Variants in NFKB1 observed in about 807,000 individuals in gnomAD.
The protein encoded by NFKB1 is nuclear factor kappa B subunit 1.
NFKB1 carries 9 observed loss-of-function variants against 105.1 expected under a neutral mutation model. That is an observed-to-expected ratio of 0.09 (90% CI 0.05 to 0.15). NFKB1 has a LOEUF of 0.15. Ranked by LOEUF, NFKB1 falls within the 10% of genes least tolerant of loss-of-function variation. NFKB1 has a pLI of 1.00. For missense variants in NFKB1, 830 were observed against 1,203.7 expected (o/e 0.69, Z 4.59); for synonymous variants, 440 against 442.2 (o/e 1.00, Z 0.06).
chr4:102,566,909 T>TA, intron 5 of NFKB1, 78 bp from the exon 6 acceptor site: 2 of 1,471,638 alleles, frequency 1.4e-6, no homozygotes, highest in Non-Finnish European at 9.4e-7. Flanking sequence ...TTTTTATACT[T>TA]ACTGGCTTAT....
chr4:102,583,071 T>C, intron 10 of NFKB1, 114 bp downstream of exon 10: 1 of 654,492 alleles, frequency 1.5e-6, no homozygotes, highest in Non-Finnish European at 2.5e-6. Flanking sequence ...CCCCCAACTG[T>C]TGGGCTTGAG....
chr4:102,554,551 A>G (rs937667353), intron 5 of NFKB1, among the ~76,000 whole-genome samples: 24 of 152,180 alleles, frequency 1.6e-4, no homozygotes, highest in Admixed American at 2.6e-4. Flanking sequence ...TTAAATTACA[A>G]CTTTAGGGAG....
chr4:102,554,531 G>A (rs1260423115), intron 5 of NFKB1, among the ~76,000 whole-genome samples: 3 of 152,046 alleles, frequency 2.0e-5, no homozygotes, highest in East Asian at 1.9e-4. Flanking sequence ...TTCTCCAAGC[G>A]GAATCATACT....
chr4:102,550,366 A>G (rs1398499069), intron 5 of NFKB1, among the ~76,000 whole-genome samples: 1 of 152,122 alleles, frequency 6.6e-6, no homozygotes, highest in East Asian at 1.9e-4. Flanking sequence ...TTTTAGCAGG[A>G]GAAGTTTTTC....
chr4:102,520,865 T>C lies in NFKB1; in HGVS notation c.-7-4647T>C, dbSNP rs79843117. On this transcript the variant is annotated intron_variant, in intron 1 of 23. Coordinates refer to ENST00000226574, the MANE Select transcript of NFKB1 (RefSeq NM_003998.4). ...TCATGTTTTATTCACTGTATGTCAT[T>C]AATTGTTAAAGATGTCAGAGTCAAA... Among the ~76,000 whole-genome samples the C allele has an allele frequency of 8.6e-3, 1,315 of 152,300 alleles. 9 individuals are homozygous for C. The highest frequency in any genetic ancestry group is 0.015 in the Non-Finnish European group (1,042 of 68,022).
chr4:102,529,240 A>T (rs1741120531), intron 2 of NFKB1, among the ~76,000 whole-genome samples: 1 of 152,130 alleles, frequency 6.6e-6, no homozygotes, highest in African/African-American at 2.4e-5. Flanking sequence ...ATTTTGTGTT[A>T]TGCTAGGAAA....
chr4:102,578,023 T>A, intron 7 of NFKB1: 1 of 982,278 alleles, frequency 1.0e-6, no homozygotes, highest in Non-Finnish European at 1.2e-6. Flanking sequence ...AGGCTGCATT[T>A]CCAATCTATT....
At chr4:102,519,780 A>G (rs532475938) in intron 1 of NFKB1, among the ~76,000 whole-genome samples, 32 of 152,342 alleles carry the variant, frequency 2.1e-4, no homozygotes, top group Non-Finnish European at 4.0e-4. Flanking sequence ...TAGCATTACT[A>G]TATGAACCTG....
intron 4 of NFKB1, among the ~76,000 whole-genome samples, chr4:102,534,221 A>G (rs1292305638): frequency 6.6e-6 from 1 of 152,174 alleles, no homozygotes; most frequent in Non-Finnish European, 1.5e-5. Context: ...TTCATTTATA[A>G]GGAAATACGT....
intron 11 of NFKB1, among the ~76,000 whole-genome samples, chr4:102,593,026 G>T (rs1409948661): frequency 1.3e-5 from 2 of 152,096 alleles, no homozygotes; most frequent in Non-Finnish European, 2.9e-5. Context: ...CCAGCATTTA[G>T]CTCATTGTAG....
At chr4:102,579,545 G>A (rs1227589381) in intron 8 of NFKB1, among the ~76,000 whole-genome samples, 3 of 151,104 alleles carry the variant, frequency 2.0e-5, no homozygotes, top group Non-Finnish European at 4.4e-5. Context: ...CGGGTTTGGC[G>A]TCATGCCCTG....
At chr4:102,527,172 TATTTTA>T (rs1740972342) in intron 2 of NFKB1, among the ~76,000 whole-genome samples, 1 of 152,216 alleles carries the variant, frequency 6.6e-6, no homozygotes, top group South Asian at 2.1e-4. Context: ...AGGAACCTAC[TATTTTA>T]ATAGGAAGAA....
At position 102,593,443 on chromosome 4, in the gene NFKB1, G is replaced by A. The variant is rs747606607; in HGVS notation, c.1085G>A (p.Arg362Lys). 1.2e-6 allele frequency: 2 copies of A among 1,612,934 alleles called. No individual in the cohort carries two copies. The highest frequency in any genetic ancestry group is 1.1e-5 in the South Asian group (1 of 90,972). Reference sequence around the variant, plus strand: ...AATACAGATAAAGAAGAAGTGCAGAGGAAACGTCAGAAGCTCATGCCCAAT... The same window carrying A: ...AATACAGATAAAGAAGAAGTGCAGAAGAAACGTCAGAAGCTCATGCCCAAT... ...PEIKDKEEVQ[R>K]KRQKLMPNFS... The change falls in exon 12 of 24, where the codon AGG becomes AAG. Residue 362 changes from arginine to lysine, a missense_variant. Around this residue, in one of 8 missense-constraint regions of NFKB1, gnomAD observed 42 missense variants for 145.7 expected, o/e 0.29. Transcript: ENST00000226574.
At chr4:102,597,440 G>A in intron 14 of NFKB1, 80 bp from the exon 15 acceptor site, 1 of 1,387,364 alleles carries the variant, frequency 7.2e-7, no homozygotes, top group East Asian at 2.4e-5. Context: ...ACTGATGCTG[G>A]TCAGTTTGTC....
chr4:102,554,530 C>A (rs1214722603), intron 5 of NFKB1, among the ~76,000 whole-genome samples: 11 of 152,152 alleles, frequency 7.2e-5, no homozygotes, highest in Admixed American at 7.2e-4. Context: ...TTTCTCCAAG[C>A]GGAATCATAC....
rs199713148 is a variant in NFKB1 at position 102,598,351 on chromosome 4, G to A, written c.1637+690G>A. Among the ~76,000 whole-genome samples, 4 of 152,126 alleles carry A rather than the reference G, an allele frequency of 2.6e-5. No individual in the cohort carries two copies. In the East Asian group the frequency reaches 7.7e-4, roughly 29 times the overall value. On this transcript the variant is annotated intron_variant, in intron 15 of 23. Transcript: ENST00000226574. ...TCTCAAAAGCCTATAAAAATAACAA[G>A]AGACAGCAGCCTTCACATTCAAGTC...
chr4:102,514,883 T>C (rs1740024684), intron 1 of NFKB1, among the ~76,000 whole-genome samples: 1 of 152,148 alleles, frequency 6.6e-6, no homozygotes, highest in Non-Finnish European at 1.5e-5. Flanking sequence ...AAGTCTACTT[T>C]ATCTGATATT....
chr4:102,591,519 G>A (rs1358879184), intron 11 of NFKB1, among the ~76,000 whole-genome samples: 1 of 151,622 alleles, frequency 6.6e-6, no homozygotes, highest in Non-Finnish European at 1.5e-5. Context: ...GAAAATCCTA[G>A]AGCTCTTAAG....
intron 6 of NFKB1, among the ~76,000 whole-genome samples, chr4:102,572,359 G>C (rs1724448410): frequency 6.6e-6 from 1 of 151,554 alleles, no homozygotes; most frequent in Non-Finnish European, 1.5e-5. Flanking sequence ...GATAGCATTA[G>C]GAGATATACC....
Sources: allele counts gnomAD v4.1 joint callset (sites outside exome capture counted in the v4.1 genomes callset), GRCh38; gene constraint gnomAD v4.1.1; regional missense constraint gnomAD v4.1.1; transcripts MANE v1.5; gene names NCBI Gene and HGNC (gene_info 2026-07-23, HGNC 2026-07-21).